HHIPL1: variants seen among roughly 807,000 people sequenced by gnomAD.
HHIPL1 encodes HHIP like 1, also known as HHIP-like protein 1.
A neutral mutation model predicts 61.8 loss-of-function variants in HHIPL1; 43 were observed. The observed-to-expected ratio is 0.70, with a 90% CI of 0.55 to 0.90. HHIPL1 has a LOEUF of 0.90. Among genes scored for constraint, HHIPL1 ranks in the 40% least tolerant of loss-of-function variants. The pLI, the probability that HHIPL1 is intolerant of heterozygous loss-of-function variation, is 0.00. For missense variants in HHIPL1, 1,056 were observed against 1,157.7 expected (o/e 0.91, Z 1.28); for synonymous variants, 482 against 515.8 (o/e 0.93, Z 0.89).
chr14:99,642,965 T>C (rs1190547214), upstream of HHIPL1, among the ~76,000 whole-genome samples: 1 of 152,226 alleles, frequency 6.6e-6, no homozygotes, highest in Admixed American at 6.5e-5. Context: ...TAGTCATAGT[T>C]ATTTTAAATT....
In HHIPL1 at chr14:99,675,271, G is replaced by GCCGGGCGTT; in HGVS notation, c.2000_2008dup (p.Ala667_Arg669dup). 1 of 1,253,506 alleles carries GCCGGGCGTT rather than the reference G, an allele frequency of 8.0e-7. No individual in the cohort carries two copies. Among genetic ancestry groups the GCCGGGCGTT allele is most frequent in the Non-Finnish European group, 1.0e-6 (1 of 1,000,136 alleles). The allele number at this position is 1,253,506 out of a possible 1,614,324, so 77.6% of individuals were successfully genotyped here. ...CGGCGGGGGCGGCTGAACTCGGCGAGCCGGGCGTTCCGGGATGGCGAGGTG... is the reference window on the plus strand; with the variant it reads ...CGGCGGGGGCGGCTGAACTCGGCGAGCCGGGCGTTCCGGGCGTTCCGGGATGGCGAGGTG... On this transcript the variant is annotated inframe_insertion, in exon 9 of 9. Transcript: ENST00000330710. This position sits in a 1 kb window ranked among gnomAD's most constrained non-coding sequence, Gnocchi z 5.4.
the HHIPL1 span, among the ~76,000 whole-genome samples, chr14:99,614,211 G>A: frequency 2.0e-5 from 3 of 152,136 alleles, no homozygotes; most frequent in Admixed American, 6.5e-5. Context: ...ACGGTGAGGC[G>A]GGAGGGGATG....
the HHIPL1 span, among the ~76,000 whole-genome samples, chr14:99,631,572 A>C: frequency 6.6e-6 from 1 of 152,074 alleles, no homozygotes; most frequent in Non-Finnish European, 1.5e-5. Flanking sequence ...GGGTTGGACT[A>C]GGCATGATCT....
Position 99,645,129 on chromosome 14 carries a change from C to T in HHIPL1, c.-79C>T, listed in dbSNP as rs1367572411. On this transcript the variant is annotated 5_prime_UTR_variant, in exon 1 of 9. Coordinates refer to ENST00000330710, the MANE Select transcript of HHIPL1 (RefSeq NM_001127258.3). ...GCGTGTAGGGAAGGGGAGCGCCCGC[C>T]CCTTCCCTGCCGCCGCGAGCGCCCC... 7 of 1,206,864 alleles carry T rather than the reference C, an allele frequency of 5.8e-6. No individual in the cohort carries two copies. The East Asian group carries it at 1.6e-4, about 28-fold the overall frequency. 74.8% of individuals were successfully genotyped at this position (1,206,864 alleles called of 1,614,324 possible).
intron 7 of HHIPL1, among the ~76,000 whole-genome samples, chr14:99,670,659 G>A (rs2056317521): frequency 6.6e-6 from 1 of 151,912 alleles, no homozygotes; most frequent in Non-Finnish European, 1.5e-5. Context: ...ATTTCCCTGA[G>A]GTCCCATCCA....
chr14:99,662,847 A>C lies in HHIPL1; in HGVS notation c.1503-29A>C, dbSNP rs537477456. The C allele has an allele frequency of 2.6e-6, 4 of 1,550,430 alleles. No homozygotes were observed. The East Asian group carries it at 9.1e-5, about 35-fold the overall frequency. On this transcript the variant is annotated intron_variant, in intron 5 of 8. Coordinates refer to ENST00000330710, the MANE Select transcript of HHIPL1 (RefSeq NM_001127258.3). The stretch of plus-strand genomic sequence containing the variant: ...GGTTCCCCTGGGTGCCATGCCAGGC[A>C]TGGCCTCACAGCTCATCTTCCTTTG...
chr14:99,621,709 CTTTTT>C, the HHIPL1 span, among the ~76,000 whole-genome samples: 42 of 84,524 alleles, frequency 5.0e-4, no homozygotes, highest in East Asian at 3.7e-3. Context: ...CTTTTCTTTT[CTTTTT>C]TTTTTTTTTT....
chr14:99,625,386 C>A, the HHIPL1 span: 1 of 152,360 alleles, frequency 6.6e-6, no homozygotes, highest in Admixed American at 6.5e-5. Context: ...GACCACGATG[C>A]CAAACTGGTT....
intron 8 of HHIPL1, among the ~76,000 whole-genome samples, chr14:99,674,348 G>A (rs573381938): frequency 1.5e-4 from 23 of 152,024 alleles, no homozygotes; most frequent in Non-Finnish European, 2.9e-4. Context: ...TGGGCCAAGC[G>A]TGTCCCCACA....
At chr14:99,624,552 A>C in the HHIPL1 span, among the ~76,000 whole-genome samples, 1 of 152,192 alleles carries the variant, frequency 6.6e-6, no homozygotes, top group Non-Finnish European at 1.5e-5. Context: ...CCTTGACAGC[A>C]GCAGGAGTGG....
In HHIPL1 at chr14:99,660,844, A is replaced by AC. The variant is rs2056139610; in HGVS notation, c.1502+442dup. Among the ~76,000 whole-genome samples the AC allele has an allele frequency of 6.6e-6, 1 of 151,760 alleles. No homozygotes were observed. ...TGATGGGGGCCTGGAGCCCTGCCCCACCCCACCCCAGCCAGGACTGCAGGG... is the reference window on the plus strand; with the variant it reads ...TGATGGGGGCCTGGAGCCCTGCCCCACCCCCACCCCAGCCAGGACTGCAGGG... On this transcript the variant is annotated intron_variant, in intron 5 of 8. Coordinates refer to ENST00000330710, the MANE Select transcript of HHIPL1 (RefSeq NM_001127258.3). The surrounding 1 kb of genome is among the most constrained non-coding windows in gnomAD (Gnocchi z 4.9).
At chr14:99,632,142 G>C in the HHIPL1 span, among the ~76,000 whole-genome samples, 1 of 152,204 alleles carries the variant, frequency 6.6e-6, no homozygotes, top group East Asian at 1.9e-4. Context: ...GTCTGCAACT[G>C]CTGACCCCAG....
chr14:99,625,879 T>A, the HHIPL1 span: 1 of 152,240 alleles, frequency 6.6e-6, no homozygotes, highest in Non-Finnish European at 1.5e-5. Context: ...CTGGTGCTTG[T>A]GCCCACTCCT....
upstream of HHIPL1, among the ~76,000 whole-genome samples, chr14:99,643,927 G>A (rs2055786444): frequency 6.6e-6 from 1 of 152,206 alleles, no homozygotes; most frequent in Non-Finnish European, 1.5e-5. Context: ...CTGCATCAAG[G>A]ACCTGGGGAC....
chr14:99,633,139 A>G, the HHIPL1 span, among the ~76,000 whole-genome samples: 1 of 152,118 alleles, frequency 6.6e-6, no homozygotes, highest in African/African-American at 2.4e-5. Context: ...GCTGCCATTC[A>G]AACTACTCCT....
At chr14:99,658,001 AG>A (rs1463382376) in intron 3 of HHIPL1, among the ~76,000 whole-genome samples, 1 of 152,190 alleles carries the variant, frequency 6.6e-6, no homozygotes, top group African/African-American at 2.4e-5. Flanking sequence ...GAGTGTAAAC[AG>A]GATGTCCAGG....
At chr14:99,607,538 G>A in the HHIPL1 span, among the ~76,000 whole-genome samples, 3 of 152,076 alleles carry the variant, frequency 2.0e-5, no homozygotes, top group South Asian at 2.1e-4. Context: ...GCTGAGAACC[G>A]GTACGCTAAC....
intron 6 of HHIPL1, among the ~76,000 whole-genome samples, chr14:99,665,283 G>A (rs2140085628): frequency 6.6e-6 from 1 of 152,252 alleles, no homozygotes; most frequent in South Asian, 2.1e-4. Flanking sequence ...GGACAAAAAG[G>A]TCCTGACCTT....
rs866439432 is a variant in HHIPL1 at position 99,676,692 on chromosome 14, T to A, written c.*1066T>A. 1.3e-5 allele frequency: 2 copies of A among 152,370 alleles called. No individual in the cohort carries two copies. Among genetic ancestry groups the A allele is most frequent in the African/African-American group, 4.8e-5 (2 of 41,582 alleles). The allele number at this position is 152,370 out of a possible 1,614,324, so 9.4% of individuals were successfully genotyped here. On this transcript the variant is annotated 3_prime_UTR_variant, in exon 9 of 9. Coordinates refer to ENST00000330710, the MANE Select transcript of HHIPL1 (RefSeq NM_001127258.3). ...ACACACCACTTTCCTGCCTCCTCTC[T>A]GACCTGCACCTGTGTGGGAGCCGGG...
Sources: allele counts gnomAD v4.1 joint callset (sites outside exome capture counted in the v4.1 genomes callset), GRCh38; gene constraint gnomAD v4.1.1; non-coding constraint Gnocchi (gnomAD v3.1); transcripts MANE v1.5; gene names NCBI Gene and HGNC (gene_info 2026-07-23, HGNC 2026-07-21).